The following FREM2 variants were observed in gnomAD, a reference collection of about 807,000 sequenced individuals.
The protein encoded by FREM2 is FRAS1 related extracellular matrix 2, also known as FRAS1-related extracellular matrix protein 2.
A neutral mutation model predicts 219.9 loss-of-function variants in FREM2; 119 were observed. The ratio of observed to expected loss-of-function variants is 0.54; its 90% CI spans 0.47 to 0.63. The LOEUF (loss-of-function observed/expected upper bound fraction) is 0.63, where lower values mean the gene tolerates loss of function less well. Ranked by LOEUF, FREM2 falls within the 30% of genes least tolerant of loss-of-function variation. The pLI is 0.00. For synonymous variants in FREM2, 1,562 were observed against 1,522.8 expected, an observed-to-expected ratio of 1.03 and a Z score of -0.60; for missense variants, 4,030 against 3,993.6, an observed-to-expected ratio of 1.01 and a Z score of -0.25.
At chr13:38,866,499 AAAAAT>A (rs1207301122) in intron 16 of FREM2, among the ~76,000 whole-genome samples, 1 of 151,802 alleles carries the variant, frequency 6.6e-6, no homozygotes, top group Admixed American at 6.6e-5. Context: ...CTCTGTCAAA[AAAAAT>A]AAAATAAAAT....
At chr13:38,832,690 A>G (rs1876557385) in intron 6 of FREM2, among the ~76,000 whole-genome samples, 1 of 152,158 alleles carries the variant, frequency 6.6e-6, no homozygotes, top group South Asian at 2.1e-4. Flanking sequence ...AAATTAAACA[A>G]TATTACTATT....
chr13:38,815,870 G>T (rs751356533), intron 6 of FREM2, among the ~76,000 whole-genome samples: 2 of 152,070 alleles, frequency 1.3e-5, no homozygotes, highest in Non-Finnish European at 2.9e-5. Context: ...TATTTATGAG[G>T]GATCTGTACC....
At chr13:38,858,940 G>A (rs553169505) in intron 13 of FREM2, among the ~76,000 whole-genome samples, 9 of 140,164 alleles carry the variant, frequency 6.4e-5, no homozygotes, top group East Asian at 4.5e-4. Context: ...AGAATCAGCC[G>A]AGTTCATGAC....
chr13:38,870,228 C>G (rs762084444), intron 16 of FREM2, among the ~76,000 whole-genome samples: 1 of 152,118 alleles, frequency 6.6e-6, no homozygotes, highest in African/African-American at 2.4e-5. Flanking sequence ...CACTGATACT[C>G]TTTTATATGT....
chr13:38,848,414 GA>G, intron 7 of FREM2, 46 bp from the exon 8 acceptor site: 1 of 1,324,186 alleles, frequency 7.6e-7, no homozygotes, highest in Non-Finnish European at 1.1e-6. Context: ...ATAATTTTTT[GA>G]AATTTAATTA....
chr13:38,687,939 GC>G lies in FREM2; in HGVS notation c.598del (p.Leu200TrpfsTer54). The G allele has an allele frequency of 6.2e-7, 1 of 1,606,122 alleles. No homozygotes were observed. The highest frequency in any genetic ancestry group is 8.5e-7 in the Non-Finnish European group (1 of 1,175,650). On this transcript the variant is annotated frameshift_variant, in exon 1 of 24. Transcript: ENST00000280481. LOFTEE classifies it high-confidence loss of function. ...GGAAGAGCTGCTGGGGACCAGCAAT[GC>G]CCTGGACGCGCGGAGCCTGGAGTTC... ...VVEELLGTSNALDARSLEFAF... is the reference protein window; with the variant it reads ...VVEELLGTSNXLDARSLEFAF...
intron 6 of FREM2, among the ~76,000 whole-genome samples, chr13:38,822,742 T>G (rs976545470): frequency 7.2e-5 from 11 of 152,112 alleles, no homozygotes; most frequent in South Asian, 2.1e-4. Context: ...GTAATATGTA[T>G]TCGATCTAGT....
intron 2 of FREM2, among the ~76,000 whole-genome samples, chr13:38,742,555 CT>C (rs1261426810): frequency 6.6e-6 from 1 of 152,184 alleles, no homozygotes; most frequent in Non-Finnish European, 1.5e-5. Context: ...TACTCTTAGC[CT>C]TTTACACTTG....
intron 6 of FREM2, among the ~76,000 whole-genome samples, chr13:38,787,137 C>G (rs1874363488): frequency 1.3e-5 from 2 of 152,100 alleles, no homozygotes; most frequent in Non-Finnish European, 2.9e-5. Context: ...TTATTTACCC[C>G]AGAACACAGG....
chr13:38,704,867 G>C (rs920567862), intron 2 of FREM2, among the ~76,000 whole-genome samples: 1 of 152,128 alleles, frequency 6.6e-6, no homozygotes, highest in Non-Finnish European at 1.5e-5. Context: ...GAGAGAGTGA[G>C]TGAAGGGAAG....
intron 2 of FREM2, among the ~76,000 whole-genome samples, chr13:38,742,991 T>G (rs1723063099): frequency 1.3e-5 from 2 of 152,194 alleles, no homozygotes; most frequent in Admixed American, 1.3e-4. Flanking sequence ...TTTATGGGTC[T>G]AAAACTCAAT....
intron 8 of FREM2, among the ~76,000 whole-genome samples, chr13:38,849,233 A>C (rs755349955): frequency 9.2e-5 from 14 of 152,174 alleles, no homozygotes; most frequent in Non-Finnish European, 1.8e-4. Flanking sequence ...AGACAGTCTC[A>C]GAATAAAACT....
chr13:38,803,234 C>T (rs545980471), intron 6 of FREM2, among the ~76,000 whole-genome samples: 4 of 152,124 alleles, frequency 2.6e-5, no homozygotes, highest in Admixed American at 2.6e-4. Context: ...TGTTTTTGTG[C>T]TCACAGAGTG....
At chr13:38,876,830 C>G (rs1052550340) in intron 20 of FREM2, among the ~76,000 whole-genome samples, 5 of 152,074 alleles carry the variant, frequency 3.3e-5, no homozygotes, top group Admixed American at 2.6e-4. Flanking sequence ...TGGCCTTCTA[C>G]TGACAATGAT....
intron 6 of FREM2, chr13:38,821,771 A>G (rs1290908748): frequency 2.6e-5 from 4 of 152,152 alleles, no homozygotes; most frequent in African/African-American, 9.7e-5. Flanking sequence ...CATTAAGGAC[A>G]CAGTGGTGAA....
At chr13:38,738,422 C>T (rs1872086460) in intron 2 of FREM2, among the ~76,000 whole-genome samples, 1 of 151,704 alleles carries the variant, frequency 6.6e-6, no homozygotes, top group Non-Finnish European at 1.5e-5. Flanking sequence ...CAAAATTAGC[C>T]AGGCGTGGTG....
At chr13:38,719,949 A>G (rs540967915) in intron 2 of FREM2, among the ~76,000 whole-genome samples, 69 of 152,298 alleles carry the variant, frequency 4.5e-4, no homozygotes, top group Middle Eastern at 3.4e-3. Flanking sequence ...TGAGGTTCAG[A>G]TGCAAAAGTC....
Position 38,859,585 on chromosome 13 carries a change from A to C in FREM2, c.7514A>C (p.Glu2505Ala). ...LMSPIVTISR[E>A]EGLCQPRVPG... ...AGCCCTATTGTAACCATCAGCAGAG[A>C]AGAAGGTCAGTCATTGCCATTTTCC... Residue 2505 changes from glutamate (E) to alanine (A), a missense_variant, in exon 14 of 24, where the codon GAA (glutamate) becomes GCA (alanine). Around this residue, in one of 2 missense-constraint regions of FREM2, gnomAD observed 928 missense variants for 1,042.9 expected, o/e 0.89. Transcript: ENST00000280481. 1 of 1,613,716 alleles carries C rather than the reference A, an allele frequency of 6.2e-7. No homozygotes were observed.
chr13:38,691,401 C>T lies in FREM2; in HGVS notation c.4057C>T (p.Gln1353Ter). The T allele has an allele frequency of 6.2e-7, 1 of 1,614,112 alleles. No individual in the cohort carries two copies. Among genetic ancestry groups the T allele is most frequent in the Non-Finnish European group, 8.5e-7 (1 of 1,179,998 alleles). The change falls in exon 1 of 24, where the codon CAG becomes TAG. Residue 1353 changes from glutamine (Q) to a stop codon, truncating the protein, a stop_gained. Coordinates refer to ENST00000280481, the MANE Select transcript of FREM2 (RefSeq NM_207361.6). LOFTEE classifies it high-confidence loss of function. ...IRYGPGHGLL[Q>*]RRKPTGAFEN... ...TTATGGGCCAGGACATGGCTTATTA[C>T]AGAGACGAAAACCTACTGGTGCCTT...
Sources: gnomAD v4.1 joint callset for allele counts (sites outside exome capture counted in the v4.1 genomes callset) on GRCh38, gnomAD v4.1.1 for gene constraint, gnomAD v4.1.1 regional missense constraint, MANE v1.5 for transcripts, NCBI Gene and HGNC (gene_info 2026-07-23, HGNC 2026-07-21) for gene names.